Variants in SLC9A9 observed in about 807,000 individuals in gnomAD.
SLC9A9 encodes solute carrier family 9 member A9.
In SLC9A9, 62 loss-of-function variants were observed where a neutral mutation model predicts 77.8. The observed-to-expected ratio is 0.80, with a 90% confidence interval of 0.65 to 0.98. The LOEUF is 0.98. SLC9A9 is among the 50% of genes least tolerant of loss of function. SLC9A9 has a pLI of 0.00. For missense variants in SLC9A9, 775 were observed against 774.9 expected, an observed-to-expected ratio of 1.00 and a Z score of 0.00; for synonymous variants, 320 against 283.5, an observed-to-expected ratio of 1.13 and a Z score of -1.29.
At chr3:143,823,805 C>T (rs1275769959) in intron 2 of SLC9A9, among the ~76,000 whole-genome samples, 1 of 151,866 alleles carries the variant, frequency 6.6e-6, no homozygotes, top group Non-Finnish European at 1.5e-5. Context: ...ATATTGTTCT[C>T]TAAGATGAGG....
intron 12 of SLC9A9, among the ~76,000 whole-genome samples, chr3:143,425,577 C>G (rs2034389133): frequency 6.6e-6 from 1 of 152,010 alleles, no homozygotes; most frequent in African/African-American, 2.4e-5. Context: ...TACTTAATGT[C>G]AAACTGAAAA....
intron 1 of SLC9A9, among the ~76,000 whole-genome samples, chr3:143,841,441 G>A (rs2009705201): frequency 6.6e-6 from 1 of 152,146 alleles, no homozygotes; most frequent in African/African-American, 2.4e-5. Context: ...AATGCTATTT[G>A]TGTTAGCTAT....
At chr3:143,708,334 T>A (rs556995337) in intron 4 of SLC9A9, among the ~76,000 whole-genome samples, 1 of 152,066 alleles carries the variant, frequency 6.6e-6, no homozygotes, top group African/African-American at 2.4e-5. Context: ...AGAGGAGCAA[T>A]GAAGGCAGTG....
At chr3:143,517,359 C>T in intron 9 of SLC9A9, 1 of 1,338,268 alleles carries the variant, frequency 7.5e-7, no homozygotes, top group Non-Finnish European at 1.1e-6. Flanking sequence ...GGAAAATTAC[C>T]AGGCATTCTC....
chr3:143,603,321 T>C (rs1322464787), intron 6 of SLC9A9, among the ~76,000 whole-genome samples: 1 of 152,218 alleles, frequency 6.6e-6, no homozygotes, highest in African/African-American at 2.4e-5. Context: ...TGGCCCTCAA[T>C]GATCCCTGAC....
At chr3:143,735,197 A>G (rs1934908560) in intron 4 of SLC9A9, among the ~76,000 whole-genome samples, 1 of 152,228 alleles carries the variant, frequency 6.6e-6, no homozygotes, top group Non-Finnish European at 1.5e-5. Flanking sequence ...AAGAGAAAGC[A>G]ATCGTTGAGA....
chr3:143,667,875 A>G (rs1277848513), intron 5 of SLC9A9, among the ~76,000 whole-genome samples: 22 of 152,296 alleles, frequency 1.4e-4, no homozygotes, highest in Admixed American at 1.2e-3. Context: ...ACACTCTTAC[A>G]CTGTTGGTGG....
chr3:143,293,728 A>G (rs2030120046), intron 14 of SLC9A9, among the ~76,000 whole-genome samples: 1 of 152,212 alleles, frequency 6.6e-6, no homozygotes, highest in African/African-American at 2.4e-5. Flanking sequence ...ATTCTTGAAT[A>G]ACGTGACACT....
At position 143,302,748 on chromosome 3, in the gene SLC9A9, G is replaced by C. The variant is rs116160872; in HGVS notation, c.1605-33768C>G. 2.5e-3 allele frequency among the ~76,000 whole-genome samples: 378 copies of C among 152,352 alleles called. 4 individuals are homozygous for C. Among genetic ancestry groups the C allele is most frequent in the African/African-American group, 8.6e-3 (358 of 41,590 alleles). The stretch of plus-strand genomic sequence containing the variant: ...GGGAACAGACAGAATGACTGCGTTT[G>C]ACGAGGAGTGACTCAGGCTCAAGAC... On this transcript the variant is annotated intron_variant, in intron 14 of 15. Coordinates refer to ENST00000316549, the MANE Select transcript of SLC9A9 (RefSeq NM_173653.4).
intron 14 of SLC9A9, among the ~76,000 whole-genome samples, chr3:143,280,870 T>C (rs948224794): frequency 2.0e-5 from 3 of 152,160 alleles, no homozygotes; most frequent in African/African-American, 7.2e-5. Flanking sequence ...CATTTTACAA[T>C]TGTTACTTAG....
At chr3:143,502,331 C>T (rs1452802206) in intron 9 of SLC9A9, among the ~76,000 whole-genome samples, 1 of 143,076 alleles carries the variant, frequency 7.0e-6, no homozygotes, top group Non-Finnish European at 1.5e-5. Flanking sequence ...CGTAAGAGGA[C>T]AATCTGTGTT....
intron 9 of SLC9A9, among the ~76,000 whole-genome samples, chr3:143,522,280 T>C (rs1213351417): frequency 6.6e-6 from 1 of 152,170 alleles, no homozygotes; most frequent in Admixed American, 6.6e-5. Flanking sequence ...ATCCCAAAAA[T>C]CAGACTTGAA....
chr3:143,308,795 C>T (rs930780751), intron 14 of SLC9A9, among the ~76,000 whole-genome samples: 5 of 152,108 alleles, frequency 3.3e-5, no homozygotes, highest in African/African-American at 1.2e-4. Context: ...GTTCAGTATA[C>T]TGGTGGTGGG....
chr3:143,350,096 C>T (rs568645822), intron 14 of SLC9A9, among the ~76,000 whole-genome samples: 75 of 152,256 alleles, frequency 4.9e-4, no homozygotes, highest in Admixed American at 2.0e-3. Context: ...TTCCTTGTTT[C>T]TTTGACTGGC....
intron 14 of SLC9A9, among the ~76,000 whole-genome samples, chr3:143,313,599 G>A (rs1299988041): frequency 6.6e-6 from 1 of 152,170 alleles, no homozygotes; most frequent in Non-Finnish European, 1.5e-5. Flanking sequence ...TTTGCTCCCT[G>A]AATCCTCCCT....
At chr3:143,645,681 C>T (rs1288713209) in intron 6 of SLC9A9, among the ~76,000 whole-genome samples, 2 of 152,170 alleles carry the variant, frequency 1.3e-5, no homozygotes, top group Non-Finnish European at 2.9e-5. Flanking sequence ...GCCAAGCGTT[C>T]ACTGGTATCA....
At chr3:143,535,049 A>T (rs1242066541) in intron 9 of SLC9A9, among the ~76,000 whole-genome samples, 2 of 152,230 alleles carry the variant, frequency 1.3e-5, no homozygotes, top group African/African-American at 4.8e-5. Flanking sequence ...AATCATATAC[A>T]TGTTTGGGTG....
At chr3:143,760,269 C>G (rs533494724) in intron 4 of SLC9A9, among the ~76,000 whole-genome samples, 1 of 152,178 alleles carries the variant, frequency 6.6e-6, no homozygotes, top group Admixed American at 6.5e-5. Context: ...GGAAGCATTC[C>G]CTTTGAAAAC....
intron 14 of SLC9A9, among the ~76,000 whole-genome samples, chr3:143,295,524 A>T (rs2030225424): frequency 6.6e-6 from 1 of 152,218 alleles, no homozygotes. Flanking sequence ...TGTGGAGATG[A>T]TTAAATAGTC....
Sources: allele counts gnomAD v4.1 joint callset (sites outside exome capture counted in the v4.1 genomes callset), GRCh38; gene constraint gnomAD v4.1.1; transcripts MANE v1.5; gene names NCBI Gene and HGNC (gene_info 2026-07-23, HGNC 2026-07-21).